NRG3: variants seen among roughly 807,000 people sequenced by gnomAD.
The protein encoded by NRG3 is neuregulin 3.
In NRG3, 31 loss-of-function variants were observed where a neutral mutation model predicts 66.9. The ratio of observed to expected loss-of-function variants is 0.46; its 90% CI spans 0.35 to 0.63. The LOEUF is 0.63. NRG3 is among the 20% of genes least tolerant of loss of function. NRG3 has a pLI of 0.00. For synonymous variants in NRG3, 393 were observed against 359.4 expected (o/e 1.09, Z -1.06); for missense variants, 910 against 878.9 (o/e 1.04, Z -0.45).
At chr10:82,896,756 C>A (rs1843699299) in intron 4 of NRG3, among the ~76,000 whole-genome samples, 1 of 152,192 alleles carries the variant, frequency 6.6e-6, no homozygotes, top group Non-Finnish European at 1.5e-5. Flanking sequence ...AAGGTTGTTT[C>A]TTCCCAGTGG....
chr10:82,140,880 T>C (rs969168748), intron 1 of NRG3, among the ~76,000 whole-genome samples: 3 of 152,200 alleles, frequency 2.0e-5, no homozygotes, highest in African/African-American at 7.2e-5. Context: ...ACTAAAAATA[T>C]GAAACACTGG....
Position 82,959,010 on chromosome 10 carries a change from C to G in NRG3, c.1219C>G (p.Leu407Val), listed in dbSNP as rs769873495. ...KVPQNGKSYS[L>V]KASSTMAKSE... ...GCCACAAAATGGTAAAAGCTACAGT[C>G]TCAAAGCATCCAGCACAATGGCAAA... The change falls in exon 6 of 9, where the codon CTC becomes GTC. Residue 407 changes from leucine to valine, a missense_variant. Leu to Val is a conservative substitution (Grantham distance 32). Coordinates refer to ENST00000372141, the MANE Select transcript of NRG3 (RefSeq NM_001010848.4). 6.2e-7 allele frequency: 1 copy of G among 1,608,528 alleles called. No homozygotes were observed. Among genetic ancestry groups the G allele is most frequent in the Admixed American group, 1.7e-5 (1 of 58,354 alleles).
chr10:82,216,305 G>T (rs1398830481), intron 1 of NRG3, among the ~76,000 whole-genome samples: 1 of 151,522 alleles, frequency 6.6e-6, no homozygotes, highest in Non-Finnish European at 1.5e-5. Flanking sequence ...TTCTACACAA[G>T]ACCAGATTAT....
intron 2 of NRG3, among the ~76,000 whole-genome samples, chr10:82,366,005 A>G (rs1241176240): frequency 6.6e-6 from 1 of 152,156 alleles, no homozygotes; most frequent in East Asian, 1.9e-4. Context: ...TATTTAAAAT[A>G]CCTTCCCTGT....
At chr10:82,048,410 C>A (rs1293392884) in intron 1 of NRG3, among the ~76,000 whole-genome samples, 4 of 152,104 alleles carry the variant, frequency 2.6e-5, no homozygotes, top group Non-Finnish European at 5.9e-5. Flanking sequence ...TCTCAGACCA[C>A]AGTGCAATCA....
At chr10:82,738,705 G>A in intron 3 of NRG3, 55 bp downstream of exon 3, 2 of 1,430,348 alleles carry the variant, frequency 1.4e-6, no homozygotes, top group Non-Finnish European at 2.0e-6. Flanking sequence ...CGTTTATTCT[G>A]AGCAATGGTT....
chr10:82,226,075 G>C (rs1345321153), intron 1 of NRG3, among the ~76,000 whole-genome samples: 1 of 151,874 alleles, frequency 6.6e-6, no homozygotes, highest in Non-Finnish European at 1.5e-5. Flanking sequence ...TTTACCCCAA[G>C]AATCTATCCA....
At chr10:82,534,445 A>G (rs1228265719) in intron 2 of NRG3, among the ~76,000 whole-genome samples, 1 of 152,058 alleles carries the variant, frequency 6.6e-6, no homozygotes, top group African/African-American at 2.4e-5. Context: ...TTATATTTTT[A>G]GTAGAAGCAG....
chr10:82,856,152 A>G (rs1489604800), intron 3 of NRG3, among the ~76,000 whole-genome samples: 1 of 152,158 alleles, frequency 6.6e-6, no homozygotes, highest in African/African-American at 2.4e-5. Context: ...CAGCCTGGGT[A>G]TGCTCTGAAA....
At chr10:81,928,200 C>T (rs1409910756) in intron 1 of NRG3, among the ~76,000 whole-genome samples, 4 of 152,174 alleles carry the variant, frequency 2.6e-5, no homozygotes, top group Non-Finnish European at 2.9e-5. Context: ...TATTATGTAG[C>T]ATCTACAGTT....
chr10:82,892,017 G>T (rs1271046679), intron 4 of NRG3, among the ~76,000 whole-genome samples: 2 of 151,986 alleles, frequency 1.3e-5, no homozygotes, highest in Non-Finnish European at 2.9e-5. Flanking sequence ...TGTATCATAT[G>T]ATTTATCCTT....
At position 82,734,837 on chromosome 10, in the gene NRG3, G is replaced by A. The variant is rs112583639; in HGVS notation, c.954-3740G>A. Reference sequence around the variant, plus strand: ...ATTTGAGACCAACTTCGGCAACCTAGCAAAACCCCCCTCTACAAAAAATTA... The same window carrying A: ...ATTTGAGACCAACTTCGGCAACCTAACAAAACCCCCCTCTACAAAAAATTA... On this transcript the variant is annotated intron_variant, in intron 2 of 8. Transcript: ENST00000372141. Among the ~76,000 whole-genome samples, 633 of 151,874 alleles carry A rather than the reference G, an allele frequency of 4.2e-3. 9 individuals carry two copies. The highest frequency in any genetic ancestry group is 0.015 in the African/African-American group (603 of 41,386).
At chr10:82,234,846 T>C (rs2133932425) in intron 1 of NRG3, among the ~76,000 whole-genome samples, 1 of 152,350 alleles carries the variant, frequency 6.6e-6, no homozygotes, top group African/African-American at 2.4e-5. Context: ...CCTGCCATGG[T>C]TGTGACCATG....
intron 2 of NRG3, among the ~76,000 whole-genome samples, chr10:82,502,157 A>C (rs1290963535): frequency 6.6e-6 from 1 of 152,188 alleles, no homozygotes; most frequent in African/African-American, 2.4e-5. Flanking sequence ...TCTCTAAAAA[A>C]ATTAGGGTTT....
chr10:82,735,274 A>G (rs1465316421), intron 2 of NRG3, among the ~76,000 whole-genome samples: 1 of 152,140 alleles, frequency 6.6e-6, no homozygotes, highest in Admixed American at 6.5e-5. Context: ...TCCTCTCCTG[A>G]GCATGCTCCT....
At chr10:81,990,932 G>A (rs1589706913) in intron 1 of NRG3, among the ~76,000 whole-genome samples, 1 of 152,136 alleles carries the variant, frequency 6.6e-6, no homozygotes, top group African/African-American at 2.4e-5. Flanking sequence ...CTTTGCAAAT[G>A]TTAAATTGGT....
intron 1 of NRG3, among the ~76,000 whole-genome samples, chr10:82,188,543 A>T (rs2073946120): frequency 6.6e-6 from 1 of 152,162 alleles, no homozygotes; most frequent in Non-Finnish European, 1.5e-5. Flanking sequence ...ATAGTTGCAA[A>T]CTACTCATCT....
At chr10:82,810,514 G>A (rs2061446553) in intron 3 of NRG3, among the ~76,000 whole-genome samples, 1 of 152,112 alleles carries the variant, frequency 6.6e-6, no homozygotes, top group Admixed American at 6.6e-5. Context: ...TGTAATCCCA[G>A]CACTTTGGGA....
intron 1 of NRG3, among the ~76,000 whole-genome samples, chr10:82,052,031 ATT>A (rs34567293): frequency 2.8e-5 from 4 of 144,786 alleles, no homozygotes; most frequent in Non-Finnish European, 3.0e-5. Context: ...ACCGCATTAG[ATT>A]TTTTTTTTTT....
Sources: gnomAD v4.1 joint callset for allele counts (sites outside exome capture counted in the v4.1 genomes callset) on GRCh38, gnomAD v4.1.1 for gene constraint, MANE v1.5 for transcripts, NCBI Gene and HGNC (gene_info 2026-07-23, HGNC 2026-07-21) for gene names.